Variants in ABLIM3 observed in about 807,000 individuals in gnomAD.
ABLIM3 encodes the protein actin-binding LIM protein 3.
A neutral mutation model predicts 109.5 loss-of-function variants in ABLIM3; 61 were observed. The observed-to-expected ratio is 0.56, with a 90% CI of 0.45 to 0.69. The LOEUF is 0.69. Ranked by LOEUF, ABLIM3 falls within the 30% of genes least tolerant of loss-of-function variation. The pLI is 0.00. For synonymous variants in ABLIM3, 300 were observed against 324.8 expected, an observed-to-expected ratio of 0.92 and a Z score of 0.82; for missense variants, 796 against 889.5, an observed-to-expected ratio of 0.89 and a Z score of 1.34.
At chr5:149,149,444 T>C (rs1753228369) in intron 2 of ABLIM3, among the ~76,000 whole-genome samples, 1 of 152,212 alleles carries the variant, frequency 6.6e-6, no homozygotes, top group African/African-American at 2.4e-5. Flanking sequence ...AAAATTAGTC[T>C]GTTCTTCTGG....
rs543573929 is a variant in ABLIM3 at position 149,221,953 on chromosome 5, C to T, written c.757+4907C>T. On this transcript the variant is annotated intron_variant, in intron 8 of 23. Coordinates refer to ENST00000309868, the MANE Select transcript of ABLIM3 (RefSeq NM_014945.5). Reference sequence around the variant, plus strand: ...CAATAACCCTGGAATTACGTAAGTTCAGCTGCACATTTTAAAACAATTCGC... The same window carrying T: ...CAATAACCCTGGAATTACGTAAGTTTAGCTGCACATTTTAAAACAATTCGC... Among the ~76,000 whole-genome samples the T allele has an allele frequency of 3.3e-5, 5 of 152,262 alleles. No homozygotes were observed. The South Asian group carries it at 8.3e-4, about 25-fold the overall frequency.
Position 149,256,750 on chromosome 5 carries a change from GA to G in ABLIM3, c.1939-1539del, listed in dbSNP as rs151239938. Among the ~76,000 whole-genome samples the G allele has an allele frequency of 4.8e-3, 731 of 152,334 alleles. 10 individuals carry two copies. Among genetic ancestry groups the G allele is most frequent in the African/African-American group, 0.017 (695 of 41,578 alleles). On this transcript the variant is annotated intron_variant, in intron 23 of 23. Transcript: ENST00000309868. ...ATTTCAGAAAATAAAATAGGTAAAT[GA>G]AGCAAATGTGGAAAACCTCACAATT...
Position 149,259,503 on chromosome 5 carries a change from G to T in ABLIM3, c.*1099G>T, listed in dbSNP as rs531909202. On this transcript the variant is annotated 3_prime_UTR_variant, in exon 24 of 24. Transcript: ENST00000309868. ...GGCAGGGCAACCATACCATACCCCC[G>T]CCAGTCCTCGGCTCCTGCTGCAAAG... The T allele has an allele frequency of 6.5e-7, 1 of 1,536,126 alleles. No individual in the cohort carries two copies. The highest frequency in any genetic ancestry group is 8.7e-7 in the Non-Finnish European group (1 of 1,146,922).
rs77010192 is a variant in ABLIM3 at position 149,207,958 on chromosome 5, C to A, written c.575+824C>A. 0.011 allele frequency among the ~76,000 whole-genome samples: 1,619 copies of A among 152,370 alleles called. 63 individuals carry two copies. The East Asian group carries it at 0.12, about 12-fold the overall frequency. ...AATTATCAGCACAGATCCTTTGTCACAGCTTTGACATCATATGACCCCAGA... is the reference window on the plus strand; with the variant it reads ...AATTATCAGCACAGATCCTTTGTCAAAGCTTTGACATCATATGACCCCAGA... On this transcript the variant is annotated intron_variant, in intron 6 of 23. Coordinates refer to ENST00000309868, the MANE Select transcript of ABLIM3 (RefSeq NM_014945.5).
intron 2 of ABLIM3, among the ~76,000 whole-genome samples, chr5:149,163,174 C>T (rs1006696332): frequency 1.3e-5 from 2 of 152,144 alleles, no homozygotes; most frequent in Non-Finnish European, 2.9e-5. Flanking sequence ...GGTTAAGCAT[C>T]ATCAGATTGC....
chr5:149,218,243 A>G (rs1196728996), intron 8 of ABLIM3: 4 of 152,232 alleles, frequency 2.6e-5, no homozygotes, highest in African/African-American at 7.2e-5. Context: ...TTGGTATCTG[A>G]TGTGGACCCA....
intron 2 of ABLIM3, among the ~76,000 whole-genome samples, chr5:149,166,627 C>T (rs941858991): frequency 2.0e-5 from 3 of 152,200 alleles, no homozygotes; most frequent in African/African-American, 7.2e-5. Flanking sequence ...CTCTTTAACC[C>T]CCAGTCTAAT....
At chr5:149,182,336 G>T (rs1254817933) in intron 2 of ABLIM3, among the ~76,000 whole-genome samples, 1 of 152,226 alleles carries the variant, frequency 6.6e-6, no homozygotes, top group East Asian at 1.9e-4. Flanking sequence ...GGTATGAGCA[G>T]AAGTTTTTGG....
chr5:149,230,593 G>A (rs1317432567), intron 8 of ABLIM3, 56 bp from the exon 9 acceptor site: 4 of 1,572,664 alleles, frequency 2.5e-6, no homozygotes, highest in African/African-American at 1.4e-5. Context: ...GGGACATGGG[G>A]AGAGTGCTGG....
chr5:149,156,315 C>T (rs1400499025), intron 2 of ABLIM3, among the ~76,000 whole-genome samples: 1 of 152,154 alleles, frequency 6.6e-6, no homozygotes, highest in Non-Finnish European at 1.5e-5. Context: ...TTGCTTTTTA[C>T]CAGACCCCCA....
At chr5:149,241,878 CAG>C (rs1265507654) in intron 14 of ABLIM3, among the ~76,000 whole-genome samples, 1 of 152,188 alleles carries the variant, frequency 6.6e-6, no homozygotes, top group Non-Finnish European at 1.5e-5. Context: ...GAGAGGAAGA[CAG>C]GGGCTACAGG....
chr5:149,247,983 G>T, intron 18 of ABLIM3, 54 bp downstream of exon 18: 2 of 1,578,566 alleles, frequency 1.3e-6, no homozygotes, highest in Non-Finnish European at 1.7e-6. Flanking sequence ...TCTGTGACTA[G>T]CTGGCAGTGT....
intron 5 of ABLIM3, among the ~76,000 whole-genome samples, chr5:149,204,031 GC>G (rs889252550): frequency 1.3e-5 from 2 of 152,176 alleles, no homozygotes; most frequent in African/African-American, 4.8e-5. Context: ...GACATGACTT[GC>G]AACTTGGGAA....
At chr5:149,220,095 A>G (rs969944148) in intron 8 of ABLIM3, 1 of 152,210 alleles carries the variant, frequency 6.6e-6, no homozygotes, top group African/African-American at 2.4e-5. Flanking sequence ...TAATTTCGTG[A>G]CACATGGGAA....
At chr5:149,203,704 T>G (rs1286300839) in intron 5 of ABLIM3, among the ~76,000 whole-genome samples, 2 of 71,248 alleles carry the variant, frequency 2.8e-5, no homozygotes, top group Non-Finnish European at 7.2e-5. Flanking sequence ...ATCACCACCA[T>G]TATTATTACC....
intron 2 of ABLIM3, among the ~76,000 whole-genome samples, chr5:149,143,182 A>G (rs533970660): frequency 3.3e-5 from 5 of 151,772 alleles, no homozygotes; most frequent in Non-Finnish European, 7.4e-5. Flanking sequence ...GACCAACATG[A>G]TGAAACCCCG....
chr5:149,228,528 T>A (rs1466649259), intron 8 of ABLIM3, among the ~76,000 whole-genome samples: 2 of 152,218 alleles, frequency 1.3e-5, no homozygotes, highest in Non-Finnish European at 2.9e-5. Flanking sequence ...AGAATAACCA[T>A]CTTCTTCACC....
In ABLIM3 at chr5:149,259,371, A is replaced by G; in HGVS notation, c.*967A>G. 2.0e-6 allele frequency: 3 copies of G among 1,463,970 alleles called. No individual in the cohort carries two copies. The highest frequency in any genetic ancestry group is 2.7e-6 in the Non-Finnish European group (3 of 1,111,242). 90.7% of individuals were successfully genotyped at this position (1,463,970 alleles called of 1,614,324 possible). ...ACACCGCAGGGCTAATGTTCCCACC[A>G]GAGCTCCAACTGAACAACCAGACAG... On this transcript the variant is annotated 3_prime_UTR_variant, in exon 24 of 24. Transcript: ENST00000309868.
chr5:149,181,890 A>G (rs1196843001), intron 2 of ABLIM3, among the ~76,000 whole-genome samples: 5 of 152,222 alleles, frequency 3.3e-5, no homozygotes. Flanking sequence ...GTTCTGTTCC[A>G]TGACTCCTCA....
Sources: gnomAD v4.1 joint callset for allele counts (sites outside exome capture counted in the v4.1 genomes callset) on GRCh38, gnomAD v4.1.1 for gene constraint, MANE v1.5 for transcripts, NCBI Gene and HGNC (gene_info 2026-07-23, HGNC 2026-07-21) for gene names.